The following SRGAP1 variants were observed in gnomAD, a reference collection of about 807,000 sequenced individuals.
SRGAP1 encodes the protein SLIT-ROBO Rho GTPase activating protein 1.
In SRGAP1, 43 loss-of-function variants were observed where a neutral mutation model predicts 121.9. That is an observed-to-expected ratio of 0.35 (90% CI 0.28 to 0.46). SRGAP1 has a LOEUF of 0.46. Among genes scored for constraint, SRGAP1 ranks in the 20% least tolerant of loss-of-function variants. The probability of loss-of-function intolerance (pLI) is 1.00; values close to 1 mark genes in which losing one functional copy is unlikely to be tolerated. For missense variants in SRGAP1, 1,102 were observed against 1,350.9 expected, an observed-to-expected ratio of 0.82 and a Z score of 2.89; for synonymous variants, 447 against 485.4, an observed-to-expected ratio of 0.92 and a Z score of 1.04.
chr12:63,955,970 C>T (rs1160349153), intron 1 of SRGAP1, among the ~76,000 whole-genome samples: 1 of 152,162 alleles, frequency 6.6e-6, no homozygotes, highest in Admixed American at 6.5e-5. Flanking sequence ...AAAGTGAACA[C>T]GTGCTTCAGT....
intron 1 of SRGAP1, among the ~76,000 whole-genome samples, chr12:63,868,739 T>C (rs1185941048): frequency 6.6e-6 from 1 of 152,226 alleles, no homozygotes; most frequent in African/African-American, 2.4e-5. Context: ...AGGAGACCAC[T>C]CTCATCATAA....
At chr12:63,935,229 A>C (rs1047374799) in intron 1 of SRGAP1, among the ~76,000 whole-genome samples, 1 of 152,242 alleles carries the variant, frequency 6.6e-6, no homozygotes, top group Non-Finnish European at 1.5e-5. Context: ...GAGCAATGGA[A>C]TATTTATCAT....
intron 4 of SRGAP1, among the ~76,000 whole-genome samples, chr12:64,039,117 A>T (rs1049176384): frequency 6.6e-6 from 1 of 152,236 alleles, no homozygotes; most frequent in African/African-American, 2.4e-5. Flanking sequence ...AGAGTTCTCG[A>T]AAAAGCTTTT....
intron 1 of SRGAP1, among the ~76,000 whole-genome samples, chr12:63,893,058 C>T (rs1900640058): frequency 6.6e-6 from 1 of 152,160 alleles, no homozygotes; most frequent in African/African-American, 2.4e-5. Flanking sequence ...CTTTGGAATT[C>T]TGTGCGACAT....
chr12:63,949,012 T>TCATATATGTATTTTC (rs1462149412), intron 1 of SRGAP1, among the ~76,000 whole-genome samples: 6 of 92,030 alleles, frequency 6.5e-5, no homozygotes, highest in East Asian at 3.8e-4. Flanking sequence ...ATATATATAT[T>TCATATATGTATTTTC]CATATATGTA....
In SRGAP1 at chr12:64,127,627, G is replaced by A. The variant is rs757493847; in HGVS notation, c.2443G>A (p.Asp815Asn). 2.5e-5 allele frequency: 40 copies of A among 1,613,824 alleles called. No individual in the cohort carries two copies. The highest frequency in any genetic ancestry group is 1.3e-4 in the East Asian group (6 of 44,850). The change falls in exon 20 of 22, where the codon GAC becomes AAC. Residue 815 changes from aspartate to asparagine, a missense_variant. Transcript: ENST00000355086. ...TFSDTLSQKA[D>N]SEASSGPVTE... is the part of the protein sequence containing the mutation. ...TTCAGACACTCTGAGCCAAAAAGCCGACAGTGAGGCCAGCAGTGGGCCAGT... is the reference window on the plus strand; with the variant it reads ...TTCAGACACTCTGAGCCAAAAAGCCAACAGTGAGGCCAGCAGTGGGCCAGT...
At chr12:64,045,965 A>G (rs1457668614) in intron 6 of SRGAP1, among the ~76,000 whole-genome samples, 1 of 152,186 alleles carries the variant, frequency 6.6e-6, no homozygotes, top group Non-Finnish European at 1.5e-5. Flanking sequence ...AGTCATGACA[A>G]TGCCATACAG....
chr12:63,899,583 C>T (rs547600677), intron 1 of SRGAP1, among the ~76,000 whole-genome samples: 2 of 152,302 alleles, frequency 1.3e-5, no homozygotes, highest in East Asian at 3.9e-4. Context: ...CAGAACCACC[C>T]AGATTGGTTA....
chr12:63,955,821 T>C, intron 1 of SRGAP1, among the ~76,000 whole-genome samples: 1 of 152,184 alleles, frequency 6.6e-6, no homozygotes, highest in East Asian at 1.9e-4. Context: ...ACTTTTAAAA[T>C]ATAATTTGAG....
Position 64,154,474 on chromosome 12 carries a change from T to A in SRGAP1, c.*11802T>A, listed in dbSNP as rs2037148481. 6.6e-6 allele frequency: 1 copy of A among 150,986 alleles called. No homozygotes were observed. Among genetic ancestry groups the A allele is most frequent in the South Asian group, 2.1e-4 (1 of 4,764 alleles). 9.4% of individuals were successfully genotyped at this position (150,986 alleles called of 1,614,324 possible). On this transcript the variant is annotated 3_prime_UTR_variant, in exon 22 of 22. Transcript: ENST00000355086. ...AGGAGAGGAAGGGATGAACCGGGGG[T>A]TCGTTTCAGAGTCAAAATCAAGATT...
chr12:64,070,332 C>T (rs1462006871), intron 8 of SRGAP1, among the ~76,000 whole-genome samples: 1 of 152,140 alleles, frequency 6.6e-6, no homozygotes, highest in Non-Finnish European at 1.5e-5. Flanking sequence ...AAAGGAACTA[C>T]TTTGAGGAGA....
At chr12:63,858,615 A>G (rs924255652) in intron 1 of SRGAP1, among the ~76,000 whole-genome samples, 3 of 152,186 alleles carry the variant, frequency 2.0e-5, no homozygotes, top group Admixed American at 1.3e-4. Flanking sequence ...TTGTATGAAT[A>G]ATTTTTAAAC....
At chr12:64,060,060 A>C (rs2035417127) in intron 6 of SRGAP1, among the ~76,000 whole-genome samples, 1 of 152,068 alleles carries the variant, frequency 6.6e-6, no homozygotes, top group Non-Finnish European at 1.5e-5. Context: ...TTTAATGTGC[A>C]TATGAATCAC....
chr12:63,918,890 TA>T (rs1393129897), intron 1 of SRGAP1, among the ~76,000 whole-genome samples: 1 of 152,180 alleles, frequency 6.6e-6, no homozygotes, highest in Non-Finnish European at 1.5e-5. Flanking sequence ...GGGAGAGACT[TA>T]AAATAAACAA....
chr12:63,994,980 A>G (rs551751119), intron 3 of SRGAP1, among the ~76,000 whole-genome samples: 8 of 152,360 alleles, frequency 5.3e-5, no homozygotes, highest in East Asian at 1.9e-4. Context: ...AGGACAGGCT[A>G]TCCAGCCAGC....
chr12:63,981,049 A>G (rs1404576579), intron 1 of SRGAP1, among the ~76,000 whole-genome samples: 1 of 152,200 alleles, frequency 6.6e-6, no homozygotes, highest in East Asian at 1.9e-4. Context: ...TCGCACAGTG[A>G]TGCTCTGGAT....
intron 1 of SRGAP1, among the ~76,000 whole-genome samples, chr12:63,970,411 A>G (rs2032911292): frequency 6.6e-6 from 1 of 152,210 alleles, no homozygotes; most frequent in Non-Finnish European, 1.5e-5. Context: ...ATCATATCTG[A>G]GACCTTACAA....
At chr12:63,935,227 G>A (rs2031624831) in intron 1 of SRGAP1, among the ~76,000 whole-genome samples, 1 of 152,178 alleles carries the variant, frequency 6.6e-6, no homozygotes, top group Non-Finnish European at 1.5e-5. Flanking sequence ...CTGAGCAATG[G>A]AATATTTATC....
At chr12:64,109,228 C>G (rs1426320177) in intron 16 of SRGAP1, 191 bp downstream of exon 16, 1 of 379,190 alleles carries the variant, frequency 2.6e-6, no homozygotes, top group Non-Finnish European at 4.7e-6. Context: ...AAAGCCCTAC[C>G]CCAGATGTAA....
Sources: gnomAD v4.1 joint callset for allele counts (sites outside exome capture counted in the v4.1 genomes callset) on GRCh38, gnomAD v4.1.1 for gene constraint, MANE v1.5 for transcripts, NCBI Gene and HGNC (gene_info 2026-07-23, HGNC 2026-07-21) for gene names.